Variants in PHACTR1 observed in about 807,000 individuals in gnomAD.
The protein encoded by PHACTR1 is phosphatase and actin regulator 1.
In PHACTR1, 16 loss-of-function variants were observed where a neutral mutation model predicts 69.2. The observed-to-expected ratio is 0.23, with a 90% CI of 0.16 to 0.35. The LOEUF (loss-of-function observed/expected upper bound fraction) is 0.35. Ranked by LOEUF, PHACTR1 falls within the 10% of genes least tolerant of loss-of-function variation. The pLI is 1.00. For synonymous variants in PHACTR1, 312 were observed against 284.5 expected, an observed-to-expected ratio of 1.10 and a Z score of -0.97; for missense variants, 510 against 734.7, an observed-to-expected ratio of 0.69 and a Z score of 3.54.
At chr6:12,801,149 T>G (rs1773648515) in intron 4 of PHACTR1, among the ~76,000 whole-genome samples, 1 of 152,214 alleles carries the variant, frequency 6.6e-6, no homozygotes, top group East Asian at 1.9e-4. Flanking sequence ...TGAAGTAACT[T>G]GGACAAAGAT....
At chr6:13,098,855 G>T (rs1477812861) in intron 5 of PHACTR1, among the ~76,000 whole-genome samples, 1 of 152,098 alleles carries the variant, frequency 6.6e-6, no homozygotes, top group African/African-American at 2.4e-5. Context: ...GCTATCTCTT[G>T]CCTGAGCCAT....
rs551978168 is a variant in PHACTR1 at position 13,120,728 on chromosome 6, C to T, written c.416-39476C>T. ...CTTCCTCTCTTCTCTTCCCTGCCCC[C>T]ACTTGTAGGAAAAACAGGGGGCATG... is the stretch of plus-strand genomic sequence containing the variant. On this transcript the variant is annotated intron_variant, in intron 5 of 14. Coordinates refer to ENST00000332995, the MANE Select transcript of PHACTR1 (RefSeq NM_030948.6). Among the ~76,000 whole-genome samples, 72 of 152,324 alleles carry T rather than the reference C, an allele frequency of 4.7e-4. No homozygotes were observed. In the South Asian group the frequency reaches 7.0e-3, roughly 15 times the overall value.
intron 4 of PHACTR1, among the ~76,000 whole-genome samples, chr6:12,985,020 T>C (rs1795966333): frequency 6.6e-6 from 1 of 152,242 alleles, no homozygotes; most frequent in Non-Finnish European, 1.5e-5. Context: ...GGTTGTCCCT[T>C]AAGTTAAAAT....
At chr6:13,232,595 A>G (rs1771388363) in intron 10 of PHACTR1, among the ~76,000 whole-genome samples, 1 of 152,156 alleles carries the variant, frequency 6.6e-6, no homozygotes, top group African/African-American at 2.4e-5. Context: ...CCAATATTGA[A>G]CTGAAATCTG....
At chr6:13,199,466 T>C (rs907066104) in intron 7 of PHACTR1, among the ~76,000 whole-genome samples, 11 of 149,892 alleles carry the variant, frequency 7.3e-5, no homozygotes, top group Admixed American at 6.0e-4. Flanking sequence ...TCTACCCAAT[T>C]CCCTTTGTCA....
chr6:13,276,638 G>C (rs1423508809), intron 11 of PHACTR1, among the ~76,000 whole-genome samples: 4 of 152,134 alleles, frequency 2.6e-5, no homozygotes, highest in South Asian at 2.1e-4. Flanking sequence ...TGGGTGTGGT[G>C]GTGGGCACCT....
chr6:13,062,439 A>T (rs914376788), intron 5 of PHACTR1, among the ~76,000 whole-genome samples: 2 of 152,028 alleles, frequency 1.3e-5, no homozygotes, highest in African/African-American at 4.8e-5. Context: ...CCATCAATTC[A>T]CCCAGAGTTG....
intron 3 of PHACTR1, among the ~76,000 whole-genome samples, chr6:12,736,980 CGT>C (rs908922912): frequency 5.9e-5 from 9 of 151,730 alleles, no homozygotes; most frequent in African/African-American, 2.2e-4. Flanking sequence ...ATTTTTACAC[CGT>C]GTGTGTATAT....
rs528302823 is a variant in PHACTR1 at position 12,750,827 on chromosome 6, T to C, written c.250+1037T>C. The stretch of plus-strand genomic sequence containing the variant: ...AGCTTCCATCCTAGTTTGTTTTCTC[T>C]TCCTGTCCAAGGTCCCTTATTATTC... On this transcript the variant is annotated intron_variant, in intron 4 of 14. Coordinates refer to ENST00000332995, the MANE Select transcript of PHACTR1 (RefSeq NM_030948.6). Among the ~76,000 whole-genome samples, 139 of 152,348 alleles carry C rather than the reference T, an allele frequency of 9.1e-4. 1 individual carries two copies. In the Middle Eastern group the frequency reaches 0.01, roughly 11 times the overall value.
At chr6:13,171,087 C>T (rs1312504585) in intron 6 of PHACTR1, among the ~76,000 whole-genome samples, 3 of 152,194 alleles carry the variant, frequency 2.0e-5, no homozygotes, top group Non-Finnish European at 4.4e-5. Flanking sequence ...TCAAGGTTAG[C>T]TATGGTCTCC....
At chr6:12,909,549 G>A (rs1439611320) in intron 4 of PHACTR1, among the ~76,000 whole-genome samples, 3 of 152,186 alleles carry the variant, frequency 2.0e-5, no homozygotes, top group Non-Finnish European at 4.4e-5. Context: ...AGCCGGATGC[G>A]GTGTCTTCAT....
At chr6:12,891,788 TAGTAAC>T (rs1196341605) in intron 4 of PHACTR1, among the ~76,000 whole-genome samples, 10 of 152,234 alleles carry the variant, frequency 6.6e-5, no homozygotes, top group Non-Finnish European at 1.3e-4. Context: ...GTTTTGTACA[TAGTAAC>T]AGTTTACTCT....
At chr6:12,939,237 T>C (rs1314943630) in intron 4 of PHACTR1, among the ~76,000 whole-genome samples, 2 of 152,188 alleles carry the variant, frequency 1.3e-5, no homozygotes, top group Non-Finnish European at 2.9e-5. Flanking sequence ...TAGATGTCAC[T>C]TGGTCTCTCC....
At chr6:13,215,890 TTCCAGAGTCGTCTTGAAC>T (rs1767598890) in intron 8 of PHACTR1, among the ~76,000 whole-genome samples, 1 of 152,192 alleles carries the variant, frequency 6.6e-6, no homozygotes, top group Non-Finnish European at 1.5e-5. Flanking sequence ...TGCAGGAAAG[TTCCAGAGTCGTCTTGAAC>T]TCTTAGCAAC....
intron 5 of PHACTR1, among the ~76,000 whole-genome samples, chr6:13,133,711 T>A (rs1223511): frequency 0.017 from 2,499 of 151,184 alleles, 31 homozygotes; most frequent in Non-Finnish European, 0.024. Context: ...TCTGCCTGGC[T>A]GCCACCCCGT....
At chr6:12,745,148 T>C (rs1401652289) in intron 3 of PHACTR1, among the ~76,000 whole-genome samples, 1 of 152,082 alleles carries the variant, frequency 6.6e-6, no homozygotes, top group Non-Finnish European at 1.5e-5. Flanking sequence ...ACTTGAAAAA[T>C]TTTCTTAATG....
chr6:13,033,641 T>C (rs1802805242), intron 4 of PHACTR1, among the ~76,000 whole-genome samples: 3 of 152,366 alleles, frequency 2.0e-5, no homozygotes, highest in South Asian at 2.1e-4. Flanking sequence ...GAAAATGCTA[T>C]ATACAGGATT....
chr6:12,821,477 A>G (rs1561914654), intron 4 of PHACTR1, among the ~76,000 whole-genome samples: 1 of 99,180 alleles, frequency 1.0e-5, no homozygotes, highest in Non-Finnish European at 2.1e-5. Context: ...AAAAAAAAAA[A>G]AAAAAAAGAG....
intron 5 of PHACTR1, among the ~76,000 whole-genome samples, chr6:13,134,002 T>C (rs1320831066): frequency 6.7e-6 from 1 of 150,312 alleles, no homozygotes; most frequent in African/African-American, 2.5e-5. Context: ...GTCTGGGAAC[T>C]GAAGAGTGTC....
Sources: gnomAD v4.1 joint callset for allele counts (sites outside exome capture counted in the v4.1 genomes callset) on GRCh38, gnomAD v4.1.1 for gene constraint, MANE v1.5 for transcripts, NCBI Gene and HGNC (gene_info 2026-07-23, HGNC 2026-07-21) for gene names.